Variants in RLN2 observed in about 807,000 individuals in gnomAD.
RLN2 encodes the protein relaxin 2, also known as prorelaxin H2.
A neutral mutation model predicts 7.3 loss-of-function variants in RLN2; 10 were observed. The observed-to-expected ratio is 1.36, with a 90% confidence interval of 0.84 to 2.31. RLN2 has a LOEUF of 2.31. Ranked by LOEUF, RLN2 falls within the 30% of genes most tolerant of loss-of-function variation. The probability of loss-of-function intolerance (pLI) is 0.00; values close to 1 mark genes in which losing one functional copy is unlikely to be tolerated. For missense variants in RLN2, 298 were observed against 217.6 expected, an observed-to-expected ratio of 1.37 and a Z score of -2.32; for synonymous variants, 103 against 82.3, an observed-to-expected ratio of 1.25 and a Z score of -1.36.
the RLN2 span, among the ~76,000 whole-genome samples, chr9:5,326,459 A>C: frequency 7.4e-4 from 112 of 152,210 alleles, 3 homozygotes; most frequent in African/African-American, 2.5e-3. Context: ...TCCCCACCCT[A>C]AAGACTCCTG....
chr9:5,334,287 G>T, the RLN2 span, among the ~76,000 whole-genome samples: 1 of 151,956 alleles, frequency 6.6e-6, no homozygotes, highest in Non-Finnish European at 1.5e-5. Context: ...CAGCCCAAAA[G>T]CTTCTTAAGT....
At chr9:5,305,716 G>C (rs2130995072), upstream of RLN2, among the ~76,000 whole-genome samples, 2 of 152,074 alleles carry the variant, frequency 1.3e-5, no homozygotes, top group South Asian at 4.2e-4. Context: ...AGCTCCATCA[G>C]ATAAACTGGA....
chr9:5,317,929 G>C, the RLN2 span, among the ~76,000 whole-genome samples: 2 of 151,810 alleles, frequency 1.3e-5, no homozygotes, highest in African/African-American at 4.8e-5. Context: ...TATGCCAATG[G>C]GGTGGTGGGA....
In RLN2 at chr9:5,304,542, A is replaced by G; in HGVS notation, c.39T>C (p.Cys13=). ...CTCTGGAAAATTGGTTCAGTAGTAA[A>G]CAGACTCCTAGCAGGTGGAAAAAAA... ...RLFFFHLLGV[C]LLLNQFSRAV... The change falls in exon 1 of 2, where the codon TGT becomes TGC. Residue 13 remains cysteine (C), a synonymous_variant. Transcript: ENST00000381627. 1 of 1,613,694 alleles carries G rather than the reference A, an allele frequency of 6.2e-7. No homozygotes were observed.
the RLN2 span, among the ~76,000 whole-genome samples, chr9:5,336,165 T>C: frequency 6.6e-6 from 1 of 152,064 alleles, no homozygotes; most frequent in African/African-American, 2.4e-5. Context: ...CTGATGTTCC[T>C]CAATCATCTA....
upstream of RLN2, among the ~76,000 whole-genome samples, chr9:5,307,329 G>GTA (rs144140932): frequency 0.02 from 2,963 of 150,946 alleles, 58 homozygotes; most frequent in African/African-American, 0.039. Flanking sequence ...GATAGTGTGT[G>GTA]TATATATATA....
At chr9:5,332,103 G>A in the RLN2 span, among the ~76,000 whole-genome samples, 1 of 148,132 alleles carries the variant, frequency 6.8e-6, no homozygotes, top group East Asian at 1.9e-4. Context: ...ATAATATTAA[G>A]TCAATTAAAA....
chr9:5,338,077 A>AT, the RLN2 span, among the ~76,000 whole-genome samples: 2 of 146,980 alleles, frequency 1.4e-5, no homozygotes, highest in African/African-American at 5.1e-5. Flanking sequence ...TTACTTGTTT[A>AT]ATATAATTTC....
At chr9:5,317,860 G>C in the RLN2 span, among the ~76,000 whole-genome samples, 1 of 151,920 alleles carries the variant, frequency 6.6e-6, no homozygotes. Flanking sequence ...TTACTCATTA[G>C]AATAGCAAAA....
At chr9:5,307,271 G>GGATGGATA (rs1283731434), upstream of RLN2, among the ~76,000 whole-genome samples, 2 of 143,488 alleles carry the variant, frequency 1.4e-5, no homozygotes, top group African/African-American at 5.1e-5. Flanking sequence ...GATAGATAGA[G>GGATGGATA]GATAGATAGA....
the RLN2 span, among the ~76,000 whole-genome samples, chr9:5,310,493 T>G: frequency 1.3e-5 from 2 of 151,874 alleles, no homozygotes; most frequent in Admixed American, 1.3e-4. Context: ...TCATTTAGAG[T>G]CTCTTCCTCG....
At chr9:5,329,728 G>C in the RLN2 span, among the ~76,000 whole-genome samples, 1 of 151,784 alleles carries the variant, frequency 6.6e-6, no homozygotes. Flanking sequence ...AATATATATG[G>C]ACCCAATACA....
chr9:5,302,402 G>A (rs1816166998), intron 1 of RLN2, among the ~76,000 whole-genome samples: 1 of 152,124 alleles, frequency 6.6e-6, no homozygotes, highest in Non-Finnish European at 1.5e-5. Flanking sequence ...TGAAATGGAT[G>A]GCTAACAATG....
rs1384498673 is a variant in RLN2, at chr9:5,304,373, C to G, written c.208G>C (p.Ala70Pro). The change falls in exon 1 of 2, where the codon GCA (alanine) becomes CCA (proline). Residue 70 changes from alanine to proline, a missense_variant. Transcript: ENST00000381627. ...GGGAGGGGGCGGGAGCTCTCACCTGCCACTGGTCTAGGTGTCTGAGGAGCA... is the reference window on the plus strand; with the variant it reads ...GGGAGGGGGCGGGAGCTCTCACCTGGCACTGGTCTAGGTGTCTGAGGAGCA... ...EDAPQTPRPV[A>P]EIVPSFINKD... The G allele has an allele frequency of 6.3e-7, 1 of 1,593,380 alleles. No individual in the cohort carries two copies. The highest frequency in any genetic ancestry group is 1.1e-5 in the South Asian group (1 of 89,850).
rs768910313 is a variant in RLN2 at position 5,300,236 on chromosome 9, G to A, written c.420C>T (p.Ala140=). The A allele has an allele frequency of 4.6e-5, 74 of 1,613,752 alleles. No individual in the cohort carries two copies. In the South Asian group the frequency reaches 5.5e-4, roughly 12 times the overall value. ...TTAATTCTGAAGGACTGCTGTCTGC[G>A]GCTTCACTTTGTCTATTGCGAATAA... ...KKLIRNRQSE[A]ADSSPSELKY... is the part of the protein sequence containing the mutation. Residue 140 remains alanine, a synonymous_variant, in exon 2 of 2, where the codon GCC becomes GCT. Coordinates refer to ENST00000381627, the MANE Select transcript of RLN2 (RefSeq NM_134441.3).
the RLN2 span, among the ~76,000 whole-genome samples, chr9:5,329,309 CAAAAAAA>C: frequency 5.6e-5 from 3 of 53,292 alleles, no homozygotes; most frequent in South Asian, 7.8e-4. Flanking sequence ...GACTCCATCT[CAAAAAAA>C]AAAAAAAAAA....
the RLN2 span, among the ~76,000 whole-genome samples, chr9:5,314,612 T>C: frequency 6.6e-6 from 1 of 152,002 alleles, no homozygotes; most frequent in African/African-American, 2.4e-5. Flanking sequence ...ACAGGTTGAA[T>C]AATTGTAGTA....
the RLN2 span, among the ~76,000 whole-genome samples, chr9:5,325,877 A>G: frequency 6.6e-6 from 1 of 152,040 alleles, no homozygotes; most frequent in African/African-American, 2.4e-5. Flanking sequence ...CCCAAAGGCG[A>G]TGTCAAGGGA....
At chr9:5,305,641 T>G (rs1258178952), upstream of RLN2, among the ~76,000 whole-genome samples, 2 of 152,054 alleles carry the variant, frequency 1.3e-5, no homozygotes, top group African/African-American at 4.8e-5. Context: ...AAATTTTTAG[T>G]ACAAGTAGGT....
Sources: gnomAD v4.1 joint callset for allele counts (sites outside exome capture counted in the v4.1 genomes callset) on GRCh38, gnomAD v4.1.1 for gene constraint, MANE v1.5 for transcripts, NCBI Gene and HGNC (gene_info 2026-07-23, HGNC 2026-07-21) for gene names.